MGAT4C: variants seen among roughly 807,000 people sequenced by gnomAD.
MGAT4C encodes the protein MGAT4 family member C, also known as alpha-1,3-mannosyl-glycoprotein 4-beta-N-acetylglucosaminyltransferase C.
In MGAT4C, 19 loss-of-function variants were observed where a neutral mutation model predicts 40.1. That is an observed-to-expected ratio of 0.47 (90% CI 0.33 to 0.70). The LOEUF is 0.70. Among genes scored for constraint, MGAT4C ranks in the 30% least tolerant of loss-of-function variants. MGAT4C has a pLI of 0.02. For missense variants in MGAT4C, 491 were observed against 563.2 expected (o/e 0.87, Z 1.30); for synonymous variants, 181 against 187.1 (o/e 0.97, Z 0.27).
chr12:86,588,732 C>G (rs570586824), intron 2 of MGAT4C, among the ~76,000 whole-genome samples: 16 of 152,116 alleles, frequency 1.1e-4, no homozygotes, highest in Admixed American at 4.6e-4. Context: ...CAAACTAGAA[C>G]TCAGGATTAA....
intron 3 of MGAT4C, among the ~76,000 whole-genome samples, chr12:86,371,404 T>C (rs1366045546): frequency 1.3e-5 from 2 of 152,018 alleles, no homozygotes; most frequent in Non-Finnish European, 2.9e-5. Context: ...AAAAGATAAA[T>C]TTGCTCTTAT....
chr12:85,992,053 C>T (rs551576761), intron 2 of MGAT4C, among the ~76,000 whole-genome samples: 2 of 152,248 alleles, frequency 1.3e-5, no homozygotes, highest in South Asian at 2.1e-4. Context: ...GATCCTGTAA[C>T]ATTTTGGGGG....
At chr12:86,481,977 C>A (rs1235754461) in intron 2 of MGAT4C, among the ~76,000 whole-genome samples, 1 of 150,928 alleles carries the variant, frequency 6.6e-6, no homozygotes, top group Non-Finnish European at 1.5e-5. Context: ...TTTATTAGGG[C>A]AGCATATATT....
At chr12:86,009,667 C>G (rs1447972357) in intron 2 of MGAT4C, among the ~76,000 whole-genome samples, 1 of 152,090 alleles carries the variant, frequency 6.6e-6, no homozygotes, top group Non-Finnish European at 1.5e-5. Context: ...ATTAATTCTG[C>G]TTTTCTTTTA....
chr12:86,350,571 T>C (rs1181577152), intron 3 of MGAT4C, among the ~76,000 whole-genome samples: 3 of 152,142 alleles, frequency 2.0e-5, no homozygotes, highest in Non-Finnish European at 2.9e-5. Flanking sequence ...TTTAAGATAA[T>C]GATATCAAAT....
intron 3 of MGAT4C, among the ~76,000 whole-genome samples, chr12:86,340,247 A>C (rs777387585): frequency 3.2e-4 from 49 of 152,210 alleles, no homozygotes; most frequent in Non-Finnish European, 4.3e-4. Context: ...ATTTTTATCC[A>C]CAATGTCTGA....
At chr12:86,398,309 C>A (rs1233221138) in intron 3 of MGAT4C, among the ~76,000 whole-genome samples, 1 of 152,092 alleles carries the variant, frequency 6.6e-6, no homozygotes, top group Non-Finnish European at 1.5e-5. Context: ...ATCTCTGCCT[C>A]CATGGTCACA....
chr12:86,520,214 C>T (rs932638611), intron 2 of MGAT4C, among the ~76,000 whole-genome samples: 6 of 152,086 alleles, frequency 3.9e-5, no homozygotes, highest in Admixed American at 3.9e-4. Context: ...GATCCTCTCC[C>T]TCCTCCTGTC....
intron 4 of MGAT4C, among the ~76,000 whole-genome samples, chr12:86,262,641 C>A (rs1952684335): frequency 6.6e-6 from 1 of 152,040 alleles, no homozygotes; most frequent in Admixed American, 6.6e-5. Context: ...GCATATGATT[C>A]ATTTTTAGAG....
chr12:86,143,210 C>A lies in MGAT4C; in HGVS notation c.-56-93487G>T, dbSNP rs943238807. On this transcript the variant is annotated intron_variant, in intron 1 of 4. Transcript: ENST00000611864. ...AGGGGGCCCAATATTTACCTGGGAT[C>A]CTCCAAATTTCTACATAGTGAAGCC... Among the ~76,000 whole-genome samples, 23 of 152,256 alleles carry A rather than the reference C, an allele frequency of 1.5e-4. No homozygotes were observed. The East Asian group carries it at 3.5e-3, about 23-fold the overall frequency.
At chr12:86,214,140 A>T (rs1169864523) in intron 1 of MGAT4C, among the ~76,000 whole-genome samples, 1 of 152,126 alleles carries the variant, frequency 6.6e-6, no homozygotes, top group Non-Finnish European at 1.5e-5. Flanking sequence ...CTGCAATCCA[A>T]ATGCTGTAAA....
chr12:86,725,280 T>A (rs2702775), intron 2 of MGAT4C, among the ~76,000 whole-genome samples: 1 of 152,004 alleles, frequency 6.6e-6, no homozygotes, highest in Non-Finnish European at 1.5e-5. Flanking sequence ...TTACTTAATT[T>A]GTTCTCTGTT....
At chr12:86,525,510 T>A (rs1958865695) in intron 2 of MGAT4C, among the ~76,000 whole-genome samples, 1 of 152,230 alleles carries the variant, frequency 6.6e-6, no homozygotes, top group Admixed American at 6.5e-5. Context: ...GGAAAAAAGA[T>A]ATTCTGACTT....
At chr12:86,080,611 C>T (rs1294888554) in intron 1 of MGAT4C, among the ~76,000 whole-genome samples, 1 of 152,016 alleles carries the variant, frequency 6.6e-6, no homozygotes, top group Non-Finnish European at 1.5e-5. Flanking sequence ...GCACACGCAC[C>T]CACACACACC....
At chr12:86,697,354 G>A (rs557765057) in intron 2 of MGAT4C, among the ~76,000 whole-genome samples, 128 of 152,142 alleles carry the variant, frequency 8.4e-4, no homozygotes, top group African/African-American at 2.9e-3. Flanking sequence ...TGATATTAAA[G>A]TGGAACAGCT....
At chr12:86,472,081 G>A (rs995979335) in intron 2 of MGAT4C, among the ~76,000 whole-genome samples, 14 of 151,914 alleles carry the variant, frequency 9.2e-5, no homozygotes, top group South Asian at 4.1e-4. Flanking sequence ...TTACCTCTTC[G>A]TAAAGTTAAG....
intron 1 of MGAT4C, among the ~76,000 whole-genome samples, chr12:86,835,869 A>AC (rs1953027037): frequency 6.6e-6 from 1 of 151,904 alleles, no homozygotes; most frequent in Non-Finnish European, 1.5e-5. Flanking sequence ...ACACACACAC[A>AC]AACACACACA....
intron 1 of MGAT4C, among the ~76,000 whole-genome samples, chr12:86,837,939 CAGA>C (rs1264209565): frequency 1.3e-5 from 2 of 152,066 alleles, no homozygotes; most frequent in African/African-American, 4.8e-5. Context: ...TGTTGATATT[CAGA>C]AGTTTTTCAG....
intron 1 of MGAT4C, among the ~76,000 whole-genome samples, chr12:86,225,163 C>T (rs1006337422): frequency 2.0e-5 from 3 of 151,974 alleles, no homozygotes; most frequent in Admixed American, 1.3e-4. Context: ...TTAGGAACAA[C>T]TGTTATATGC....
Sources: gnomAD v4.1 joint callset for allele counts (sites outside exome capture counted in the v4.1 genomes callset) on GRCh38, gnomAD v4.1.1 for gene constraint, MANE v1.5 for transcripts, NCBI Gene and HGNC (gene_info 2026-07-23, HGNC 2026-07-21) for gene names.